Variants in CADPS2 observed in about 807,000 individuals in gnomAD.
CADPS2 encodes calcium-dependent secretion activator 2.
In CADPS2, 93 loss-of-function variants were observed where a neutral mutation model predicts 172.5. The ratio of observed to expected loss-of-function variants is 0.54; its 90% CI spans 0.46 to 0.64. The LOEUF is 0.64. Among genes scored for constraint, CADPS2 ranks in the 30% least tolerant of loss-of-function variants. CADPS2 has a pLI of 0.00. For synonymous variants in CADPS2, 546 were observed against 555.2 expected, an observed-to-expected ratio of 0.98 and a Z score of 0.23; for missense variants, 1,420 against 1,565.9, an observed-to-expected ratio of 0.91 and a Z score of 1.57.
intron 20 of CADPS2, among the ~76,000 whole-genome samples, chr7:122,397,589 A>G (rs1423155961): frequency 6.6e-6 from 1 of 152,138 alleles, no homozygotes; most frequent in African/African-American, 2.4e-5. Flanking sequence ...TGTCTATGTA[A>G]ATGTATGCTC....
At chr7:122,345,482 G>A (rs2037441084) in intron 28 of CADPS2, 92 bp downstream of exon 28, 4 of 749,306 alleles carry the variant, frequency 5.3e-6, no homozygotes, top group Non-Finnish European at 9.0e-6. Context: ...ACAAAAAGGA[G>A]ACTATGCTTT....
intron 3 of CADPS2, among the ~76,000 whole-genome samples, chr7:122,634,854 C>T (rs942836131): frequency 1.3e-5 from 2 of 152,074 alleles, no homozygotes; most frequent in Admixed American, 1.3e-4. Flanking sequence ...AGTTCTGTCT[C>T]TATTTTCCTT....
chr7:122,783,708 C>A (rs943523388), intron 1 of CADPS2, among the ~76,000 whole-genome samples: 1 of 152,050 alleles, frequency 6.6e-6, no homozygotes, highest in Non-Finnish European at 1.5e-5. Flanking sequence ...TGAGTCAAAA[C>A]CATTAGAGGA....
intron 24 of CADPS2, chr7:122,386,225 T>A: frequency 2.8e-6 from 3 of 1,067,984 alleles, no homozygotes; most frequent in Non-Finnish European, 3.8e-6. Context: ...AAGATGAAAA[T>A]AAAAAATATA....
At chr7:122,409,487 G>A in intron 19 of CADPS2, 2 of 289,834 alleles carry the variant, frequency 6.9e-6, no homozygotes, top group Admixed American at 3.7e-5. Context: ...TTTCAAAACA[G>A]CTTCAGGTTG....
chr7:122,486,134 C>G (rs971463199), intron 11 of CADPS2, among the ~76,000 whole-genome samples: 3 of 152,058 alleles, frequency 2.0e-5, no homozygotes, highest in African/African-American at 7.2e-5. Flanking sequence ...GCTTGCTAAC[C>G]CAACATCCAT....
chr7:122,614,517 G>A lies in CADPS2; in HGVS notation c.1223+664C>T, dbSNP rs150679967. 2.0e-5 allele frequency among the ~76,000 whole-genome samples: 3 copies of A among 152,252 alleles called. No individual in the cohort carries two copies. In the East Asian group the frequency reaches 5.8e-4, roughly 29 times the overall value. ...AAAAAAAATGTTTTCTAAAGGTAAT[G>A]CACAAATGAAGGCCAAGCAAATTGA... is the stretch of plus-strand genomic sequence containing the variant. On this transcript the variant is annotated intron_variant, in intron 6 of 29. Transcript: ENST00000449022.
chr7:122,757,558 G>T (rs1403953101), intron 1 of CADPS2, among the ~76,000 whole-genome samples: 1 of 151,994 alleles, frequency 6.6e-6, no homozygotes, highest in African/African-American at 2.4e-5. Context: ...TGATCTAGAT[G>T]CTTTGTGGTG....
At chr7:122,355,553 G>A (rs1270167628) in intron 27 of CADPS2, among the ~76,000 whole-genome samples, 1 of 151,406 alleles carries the variant, frequency 6.6e-6, no homozygotes, top group African/African-American at 2.4e-5. Flanking sequence ...CTGCACTCCA[G>A]CCTGGGGCAC....
At chr7:122,574,939 G>A (rs1188976845) in intron 7 of CADPS2, among the ~76,000 whole-genome samples, 1 of 152,056 alleles carries the variant, frequency 6.6e-6, no homozygotes, top group Non-Finnish European at 1.5e-5. Flanking sequence ...CCTTAACCAA[G>A]TGATAATACT....
intron 28 of CADPS2, among the ~76,000 whole-genome samples, chr7:122,344,201 C>T (rs186202977): frequency 6.6e-6 from 1 of 152,318 alleles, no homozygotes; most frequent in Admixed American, 6.5e-5. Flanking sequence ...GTTACGAAAA[C>T]ATTTGCCGTA....
chr7:122,492,500 C>T lies in CADPS2; in HGVS notation c.1543-1080G>A, dbSNP rs144497571. ...TGTAAATGGGGAATGTTTCATTAGC[C>T]CAGTTTGGGTCAAGAGCTCATGTAT... On this transcript the variant is annotated intron_variant, in intron 9 of 29. Coordinates refer to ENST00000449022, the MANE Select transcript of CADPS2 (RefSeq NM_017954.11). 6.2e-4 allele frequency among the ~76,000 whole-genome samples: 94 copies of T among 152,026 alleles called. 1 individual carries two copies. In the East Asian group the frequency reaches 0.012, roughly 19 times the overall value.
chr7:122,807,913 C>T (rs895909218), intron 1 of CADPS2, among the ~76,000 whole-genome samples: 7 of 152,148 alleles, frequency 4.6e-5, no homozygotes, highest in African/African-American at 1.7e-4. Flanking sequence ...AATATGGTTA[C>T]ATTCTGAGGT....
chr7:122,874,406 A>G (rs904544770), intron 1 of CADPS2, among the ~76,000 whole-genome samples: 1 of 152,204 alleles, frequency 6.6e-6, no homozygotes, highest in African/African-American at 2.4e-5. Flanking sequence ...ATGGAAAAAC[A>G]TTCCATGCTC....
chr7:122,746,302 G>A (rs1422735529), intron 1 of CADPS2, among the ~76,000 whole-genome samples: 1 of 152,054 alleles, frequency 6.6e-6, no homozygotes, highest in Non-Finnish European at 1.5e-5. Context: ...TTGAAATGTG[G>A]CTAATCCAAG....
chr7:122,775,330 C>T (rs1204733724), intron 1 of CADPS2, among the ~76,000 whole-genome samples: 1 of 152,224 alleles, frequency 6.6e-6, no homozygotes, highest in Non-Finnish European at 1.5e-5. Flanking sequence ...AAGGATGTTA[C>T]TGTTCACAAC....
intron 5 of CADPS2, among the ~76,000 whole-genome samples, chr7:122,617,011 C>G (rs966296835): frequency 6.6e-6 from 1 of 152,112 alleles, no homozygotes; most frequent in Non-Finnish European, 1.5e-5. Context: ...ATCTAGAAAT[C>G]GTAAGAGCAT....
intron 9 of CADPS2, among the ~76,000 whole-genome samples, chr7:122,511,277 C>CTTCT (rs386411174): frequency 6.6e-6 from 1 of 151,974 alleles, no homozygotes; most frequent in African/African-American, 2.4e-5. Flanking sequence ...TTTACAATTC[C>CTTCT]TTCATTTCCA....
chr7:122,519,894 A>C (rs914665075), intron 8 of CADPS2, among the ~76,000 whole-genome samples: 1 of 152,004 alleles, frequency 6.6e-6, no homozygotes, highest in Non-Finnish European at 1.5e-5. Context: ...CCAGTCCTTA[A>C]GCCAAAATAG....
Sources: gnomAD v4.1 joint callset for allele counts (sites outside exome capture counted in the v4.1 genomes callset) on GRCh38, gnomAD v4.1.1 for gene constraint, MANE v1.5 for transcripts, NCBI Gene and HGNC (gene_info 2026-07-23, HGNC 2026-07-21) for gene names.